NRCAM: variants seen among roughly 807,000 people sequenced by gnomAD.
NRCAM encodes NgCAM-related cell adhesion molecule.
Under a neutral mutation model 156.5 loss-of-function variants are expected in NRCAM, and 83 were observed. The observed-to-expected ratio is 0.53, with a 90% CI of 0.44 to 0.64. The LOEUF (loss-of-function observed/expected upper bound fraction) is 0.64. NRCAM is among the 30% of genes least tolerant of loss of function. NRCAM has a pLI of 0.00. For missense variants in NRCAM, 1,417 were observed against 1,597.3 expected (o/e 0.89, Z 1.92); for synonymous variants, 538 against 563.9 (o/e 0.95, Z 0.65).
At chr7:108,223,575 C>T (rs976210609) in intron 11 of NRCAM, 150 bp downstream of exon 11, 4 of 468,512 alleles carry the variant, frequency 8.5e-6, no homozygotes, top group Non-Finnish European at 1.5e-5. Flanking sequence ...GATTCATATG[C>T]CTACTTTGGA....
At position 108,344,938 on chromosome 7, in the gene NRCAM, G is replaced by A. The variant is rs531792244; in HGVS notation, c.-173-32207C>T. Among the ~76,000 whole-genome samples the A allele has an allele frequency of 2.0e-5, 3 of 152,240 alleles. No homozygotes were observed. The South Asian group carries it at 6.2e-4, about 32-fold the overall frequency. ...TTTCATTATATGAAGTCAAGGATAA[G>A]GGGGAGGGAGAAGATAAGAAGGAAG... On this transcript the variant is annotated intron_variant, in intron 2 of 32. Transcript: ENST00000379028.
chr7:108,352,868 G>A (rs1408245452), intron 2 of NRCAM, among the ~76,000 whole-genome samples: 2 of 151,828 alleles, frequency 1.3e-5, no homozygotes, highest in African/African-American at 4.8e-5. Context: ...TAAAATATAA[G>A]TTTAAAAAAA....
At chr7:108,177,650 T>TAC (rs1435639708) in intron 26 of NRCAM, among the ~76,000 whole-genome samples, 1 of 20,770 alleles carries the variant, frequency 4.8e-5, no homozygotes, top group African/African-American at 7.9e-5. Flanking sequence ...TATATATATA[T>TAC]ATATATATAT....
intron 2 of NRCAM, among the ~76,000 whole-genome samples, chr7:108,386,748 A>C (rs1160689905): frequency 6.6e-6 from 1 of 152,206 alleles, no homozygotes; most frequent in Non-Finnish European, 1.5e-5. Context: ...AGATACTATG[A>C]GAAAGTTATA....
At chr7:108,246,256 T>C (rs2095907502) in intron 3 of NRCAM, among the ~76,000 whole-genome samples, 1 of 152,180 alleles carries the variant, frequency 6.6e-6, no homozygotes. Flanking sequence ...TTCTTCTGCA[T>C]TGACCTCATC....
intron 1 of NRCAM, among the ~76,000 whole-genome samples, chr7:108,443,769 A>T (rs1247428295): frequency 1.3e-5 from 2 of 152,228 alleles, no homozygotes; most frequent in Non-Finnish European, 2.9e-5. Flanking sequence ...AGGTAATAAA[A>T]TTAATACCCT....
At chr7:108,432,856 G>GA (rs1827176880) in intron 1 of NRCAM, among the ~76,000 whole-genome samples, 1 of 151,860 alleles carries the variant, frequency 6.6e-6, no homozygotes, top group Non-Finnish European at 1.5e-5. Flanking sequence ...AAGCACCACT[G>GA]CACTCCAGCC....
At position 108,223,825 on chromosome 7, in the gene NRCAM, T is replaced by C. The variant is rs374708739; in HGVS notation, c.790A>G (p.Arg264Gly). 34 of 1,572,670 alleles carry C rather than the reference T, an allele frequency of 2.2e-5. No individual in the cohort carries two copies. The highest frequency in any genetic ancestry group is 2.2e-4 in the African/African-American group (16 of 74,172). ...GTTAAAAATGTTGGTGGCCTCTCTCTACTTGATTTAGCTGCAAACAAGAAA... is the reference window on the plus strand; with the variant it reads ...GTTAAAAATGTTGGTGGCCTCTCTCCACTTGATTTAGCTGCAAACAAGAAA... ...DTEFYGAKSS[R>G]ERPPTFLTPE... is the part of the protein sequence containing the mutation. The change falls in exon 11 of 33, where the codon AGA becomes GGA. Residue 264 changes from arginine (R) to glycine (G), a missense_variant. Transcript: ENST00000379028.
At chr7:108,381,705 A>G (rs973649125) in intron 2 of NRCAM, among the ~76,000 whole-genome samples, 1 of 151,912 alleles carries the variant, frequency 6.6e-6, no homozygotes, top group African/African-American at 2.4e-5. Flanking sequence ...GATTACAGGC[A>G]TGTACCACCA....
rs745761592 is a variant in NRCAM at position 108,160,523 on chromosome 7, A to G, written c.3467-31T>C. On this transcript the variant is annotated intron_variant, in intron 30 of 32. Coordinates refer to ENST00000379028, the MANE Select transcript of NRCAM (RefSeq NM_001037132.4). ...AAACAAATCAATGGTGTTGGTGGCA[A>G]TAGGTTAAGGGGAGATGGGAACTGC... 3.7e-6 allele frequency: 6 copies of G among 1,609,470 alleles called. No homozygotes were observed. The African/African-American group carries it at 8.0e-5, about 22-fold the overall frequency.
At chr7:108,192,908 A>ATATAT (rs1444236994) in intron 17 of NRCAM, among the ~76,000 whole-genome samples, 9 of 152,244 alleles carry the variant, frequency 5.9e-5, no homozygotes, top group African/African-American at 2.2e-4. Context: ...TCAAAAAATT[A>ATATAT]ATGTATAGAG....
In NRCAM at chr7:108,194,122, C is replaced by T. The variant is rs1271186756; in HGVS notation, c.1680G>A (p.Gly560=). ...KQPEYAVVQR[G]SMVSFECKVK... ...CTTTGCATTCAAAGGACACCATGCT[C>T]CCTCTTTGCACAACTGCATATTCGG... Residue 560 remains glycine, a synonymous_variant, in exon 17 of 33, where the codon GGG becomes GGA. Transcript: ENST00000379028. 2 of 1,614,084 alleles carry T rather than the reference C, an allele frequency of 1.2e-6. No homozygotes were observed. Among genetic ancestry groups the T allele is most frequent in the East Asian group, 2.2e-5 (1 of 44,882 alleles).
At chr7:108,179,579 A>G (rs2153267094) in intron 25 of NRCAM, among the ~76,000 whole-genome samples, 1 of 152,242 alleles carries the variant, frequency 6.6e-6, no homozygotes, top group South Asian at 2.1e-4. Flanking sequence ...CCTCACCCAC[A>G]AGGCTCCCTT....
At chr7:108,221,810 C>T (rs2092386292) in intron 11 of NRCAM, among the ~76,000 whole-genome samples, 1 of 151,982 alleles carries the variant, frequency 6.6e-6, no homozygotes, top group Non-Finnish European at 1.5e-5. Context: ...ATAACTTACT[C>T]CACTAAATAA....
At chr7:108,278,440 A>T (rs919347489) in intron 3 of NRCAM, among the ~76,000 whole-genome samples, 3 of 152,144 alleles carry the variant, frequency 2.0e-5, no homozygotes, top group Non-Finnish European at 4.4e-5. Context: ...TGAGCACAGA[A>T]CCAGCTACTC....
At chr7:108,375,194 C>T (rs1358415523) in intron 2 of NRCAM, among the ~76,000 whole-genome samples, 1 of 152,030 alleles carries the variant, frequency 6.6e-6, no homozygotes, top group Admixed American at 6.6e-5. Context: ...TCCTTGTAGT[C>T]CATGAGCTAC....
chr7:108,362,714 T>G (rs1452537686), intron 2 of NRCAM, among the ~76,000 whole-genome samples: 2 of 152,194 alleles, frequency 1.3e-5, no homozygotes, highest in Non-Finnish European at 2.9e-5. Context: ...GTAATAGATT[T>G]AAGTTGGAGA....
At chr7:108,452,333 C>T (rs937877570) in intron 1 of NRCAM, among the ~76,000 whole-genome samples, 63 of 151,860 alleles carry the variant, frequency 4.1e-4, no homozygotes, top group Non-Finnish European at 7.2e-4. Flanking sequence ...ACAATGTATA[C>T]ATATATCAAA....
intron 1 of NRCAM, among the ~76,000 whole-genome samples, chr7:108,410,739 T>C (rs1352548544): frequency 6.6e-6 from 1 of 152,204 alleles, no homozygotes; most frequent in Admixed American, 6.5e-5. Flanking sequence ...AAGGGCAGCC[T>C]GTATGACTGA....
Sources: gnomAD v4.1 joint callset for allele counts (sites outside exome capture counted in the v4.1 genomes callset) on GRCh38, gnomAD v4.1.1 for gene constraint, MANE v1.5 for transcripts, NCBI Gene and HGNC (gene_info 2026-07-23, HGNC 2026-07-21) for gene names.